KIAA0825: variants seen among roughly 807,000 people sequenced by gnomAD.
KIAA0825 encodes the protein KIAA0825, also known as uncharacterized protein KIAA0825.
Under a neutral mutation model 147.6 loss-of-function variants are expected in KIAA0825, and 119 were observed. The observed-to-expected ratio is 0.81, with a 90% CI of 0.69 to 0.94. The LOEUF is 0.94. Among genes scored for constraint, KIAA0825 ranks in the 40% least tolerant of loss-of-function variants. The pLI, the probability that KIAA0825 is intolerant of heterozygous loss-of-function variation, is 0.00. For synonymous variants in KIAA0825, 470 were observed against 518.1 expected (o/e 0.91, Z 1.26); for missense variants, 1,381 against 1,472.7 (o/e 0.94, Z 1.02).
chr5:94,340,477 T>A (rs906202057), intron 20 of KIAA0825, among the ~76,000 whole-genome samples: 16 of 152,146 alleles, frequency 1.1e-4, no homozygotes, highest in African/African-American at 3.4e-4. Flanking sequence ...AAGACAAATT[T>A]TGGTTCACAA....
chr5:94,224,643 A>C (rs1773998246), intron 20 of KIAA0825, among the ~76,000 whole-genome samples: 1 of 152,140 alleles, frequency 6.6e-6, no homozygotes, highest in Admixed American at 6.6e-5. Context: ...TATAGGAGTA[A>C]GTAATTTTAC....
intron 20 of KIAA0825, among the ~76,000 whole-genome samples, chr5:94,204,004 C>CA (rs1355432502): frequency 6.6e-6 from 1 of 152,084 alleles, no homozygotes; most frequent in Non-Finnish European, 1.5e-5. Context: ...GAAAAAATAT[C>CA]AAACTGAATG....
At position 94,413,587 on chromosome 5, in the gene KIAA0825, C is replaced by G. The variant is rs575654491; in HGVS notation, c.2662+3614G>C. ...GAAATTCTAGAATATCAAAAGTAAA[C>G]TATCACGACAAAAAGCAGGTCAGTG... On this transcript the variant is annotated intron_variant, in intron 15 of 20. Transcript: ENST00000682413. 3 of 152,158 alleles carry G rather than the reference C, an allele frequency of 2.0e-5. No individual in the cohort carries two copies. The South Asian group carries it at 6.2e-4, about 32-fold the overall frequency. 9.4% of individuals were successfully genotyped at this position (152,158 alleles called of 1,614,324 possible). A position where few individuals can be genotyped will look rare whatever the true frequency, so the allele number is the denominator to read the frequency against.
chr5:94,416,613 G>A (rs1197587387), intron 15 of KIAA0825: 2 of 152,150 alleles, frequency 1.3e-5, no homozygotes, highest in Non-Finnish European at 2.9e-5. Flanking sequence ...CCAGAGGGTG[G>A]GGCAACCCAT....
chr5:94,314,396 G>A (rs748508161), intron 20 of KIAA0825, among the ~76,000 whole-genome samples: 3 of 151,644 alleles, frequency 2.0e-5, no homozygotes, highest in African/African-American at 7.3e-5. Flanking sequence ...GTGAGAGAAT[G>A]CATGGAGTTT....
intron 14 of KIAA0825, among the ~76,000 whole-genome samples, chr5:94,429,672 G>A (rs1755400916): frequency 2.0e-5 from 3 of 152,180 alleles, no homozygotes; most frequent in Admixed American, 2.0e-4. Flanking sequence ...GCCCTGGGGG[G>A]TGGCAGGGGC....
chr5:94,607,842 A>G (rs1191272434), intron 1 of KIAA0825, among the ~76,000 whole-genome samples: 2 of 152,152 alleles, frequency 1.3e-5, no homozygotes, highest in African/African-American at 2.4e-5. Flanking sequence ...TGCATGTTCC[A>G]GCTTTAGAGG....
intron 20 of KIAA0825, among the ~76,000 whole-genome samples, chr5:94,243,773 C>G (rs1207838118): frequency 1.3e-5 from 2 of 152,136 alleles, no homozygotes; most frequent in Non-Finnish European, 2.9e-5. Context: ...TGTTTACATC[C>G]ATCTTTGTGA....
chr5:94,308,554 CTA>C (rs1386339268), intron 20 of KIAA0825, among the ~76,000 whole-genome samples: 18 of 151,798 alleles, frequency 1.2e-4, no homozygotes, highest in Non-Finnish European at 2.9e-5. Context: ...TCAAGGGACT[CTA>C]TAAGATTTTC....
intron 5 of KIAA0825, among the ~76,000 whole-genome samples, chr5:94,501,840 C>T (rs752424719): frequency 1.3e-5 from 2 of 152,016 alleles, no homozygotes; most frequent in Non-Finnish European, 2.9e-5. Flanking sequence ...TTCAAAGATA[C>T]ACAAGTATAC....
intron 20 of KIAA0825, among the ~76,000 whole-genome samples, chr5:94,300,522 G>A (rs865877638): frequency 2.6e-5 from 4 of 151,838 alleles, no homozygotes; most frequent in Non-Finnish European, 1.5e-5. Context: ...TATTTTTAAA[G>A]GTAATGAACA....
At chr5:94,447,910 T>C (rs1314642149) in intron 13 of KIAA0825, among the ~76,000 whole-genome samples, 4 of 152,068 alleles carry the variant, frequency 2.6e-5, no homozygotes, top group African/African-American at 7.2e-5. Flanking sequence ...TTAAAATGAA[T>C]GGACTGTTTA....
intron 1 of KIAA0825, among the ~76,000 whole-genome samples, chr5:94,616,996 T>C (rs1420212134): frequency 6.6e-6 from 1 of 152,240 alleles, no homozygotes; most frequent in Non-Finnish European, 1.5e-5. Context: ...CATTTAATTG[T>C]ATAATTTATG....
chr5:94,227,397 T>TG, intron 20 of KIAA0825, among the ~76,000 whole-genome samples: 1 of 149,518 alleles, frequency 6.7e-6, no homozygotes, highest in South Asian at 2.2e-4. Context: ...GGGACTGTTG[T>TG]GGGGTGGGGG....
At chr5:94,389,437 G>A (rs1199860860) in intron 18 of KIAA0825, among the ~76,000 whole-genome samples, 1 of 152,160 alleles carries the variant, frequency 6.6e-6, no homozygotes, top group Non-Finnish European at 1.5e-5. Context: ...TAGGGGTGTG[G>A]CACAACATCA....
At chr5:94,487,982 G>A (rs1763259977) in intron 5 of KIAA0825, among the ~76,000 whole-genome samples, 2 of 151,984 alleles carry the variant, frequency 1.3e-5, no homozygotes, top group South Asian at 4.1e-4. Context: ...ACAAAAAAAT[G>A]GCTCCATCTC....
At chr5:94,249,836 A>G (rs899079489) in intron 20 of KIAA0825, among the ~76,000 whole-genome samples, 3 of 139,020 alleles carry the variant, frequency 2.2e-5, no homozygotes, top group Non-Finnish European at 4.6e-5. Context: ...ATAGACTTAT[A>G]TAAGTTATCT....
intron 20 of KIAA0825, among the ~76,000 whole-genome samples, chr5:94,260,121 ACCAGGACTACTGTT>A (rs1776424115): frequency 6.6e-6 from 1 of 152,130 alleles, no homozygotes; most frequent in Admixed American, 6.6e-5. Context: ...AATATATCCC[ACCAGGACTACTGTT>A]CCTAGTAGCA....
chr5:94,192,196 T>C (rs1318955473), intron 20 of KIAA0825, among the ~76,000 whole-genome samples: 1 of 152,240 alleles, frequency 6.6e-6, no homozygotes, highest in Non-Finnish European at 1.5e-5. Flanking sequence ...CTGCCTCTTG[T>C]GTGTTTTCCA....
Sources: gnomAD v4.1 joint callset for allele counts (sites outside exome capture counted in the v4.1 genomes callset) on GRCh38, gnomAD v4.1.1 for gene constraint, MANE v1.5 for transcripts, NCBI Gene and HGNC (gene_info 2026-07-23, HGNC 2026-07-21) for gene names.